SSBP2: variants seen among roughly 807,000 people sequenced by gnomAD.
SSBP2 encodes the protein single-stranded DNA-binding protein 2.
Under a neutral mutation model 61.8 loss-of-function variants are expected in SSBP2, and 17 were observed. That is an observed-to-expected ratio of 0.28 (90% CI 0.19 to 0.41). The LOEUF (loss-of-function observed/expected upper bound fraction) is 0.41, where lower values mean the gene tolerates loss of function less well. Ranked by LOEUF, SSBP2 falls within the 10% of genes least tolerant of loss-of-function variation. The probability of loss-of-function intolerance (pLI) is 1.00; values close to 1 mark genes in which losing one functional copy is unlikely to be tolerated. For missense variants in SSBP2, 310 were observed against 458.7 expected, an observed-to-expected ratio of 0.68 and a Z score of 2.96; for synonymous variants, 139 against 141.3, an observed-to-expected ratio of 0.98 and a Z score of 0.12.
intron 1 of SSBP2, among the ~76,000 whole-genome samples, chr5:81,750,489 G>T (rs970463798): frequency 2.1e-4 from 30 of 141,312 alleles, no homozygotes; most frequent in African/African-American, 7.7e-4. Flanking sequence ...CCAGCGCCCA[G>T]GCCCCCGCCG....
At chr5:81,649,623 G>A (rs544226293) in intron 2 of SSBP2, among the ~76,000 whole-genome samples, 24 of 152,122 alleles carry the variant, frequency 1.6e-4, no homozygotes, top group African/African-American at 4.8e-4. Flanking sequence ...GACTACTAGA[G>A]GTGAGAGGGA....
chr5:81,626,710 C>T (rs1747190526), intron 3 of SSBP2, among the ~76,000 whole-genome samples: 1 of 152,120 alleles, frequency 6.6e-6, no homozygotes. Flanking sequence ...ATGCAGCTGC[C>T]AGGGATCCGT....
chr5:81,743,178 TC>T (rs1387254599), intron 1 of SSBP2, among the ~76,000 whole-genome samples: 2 of 152,186 alleles, frequency 1.3e-5, no homozygotes, highest in African/African-American at 4.8e-5. Flanking sequence ...ACCCAATTCC[TC>T]CATTTTAAAA....
At chr5:81,439,976 A>G (rs182910973) in intron 14 of SSBP2, among the ~76,000 whole-genome samples, 39 of 152,138 alleles carry the variant, frequency 2.6e-4, no homozygotes, top group Non-Finnish European at 1.9e-4. Context: ...TGGCCTATAA[A>G]GTATGTTTTC....
chr5:81,447,566 T>C (rs181988430), intron 11 of SSBP2, among the ~76,000 whole-genome samples: 1 of 152,136 alleles, frequency 6.6e-6, no homozygotes, highest in Admixed American at 6.6e-5. Flanking sequence ...AGGCAATGGG[T>C]TGTAGGCTTT....
intron 1 of SSBP2, among the ~76,000 whole-genome samples, chr5:81,741,477 T>C (rs1297660421): frequency 1.3e-5 from 2 of 152,156 alleles, no homozygotes; most frequent in Admixed American, 1.3e-4. Context: ...GTGGTTAAAA[T>C]GGTAAATTTT....
chr5:81,493,304 T>TC (rs1262772769), intron 5 of SSBP2, among the ~76,000 whole-genome samples: 6 of 131,684 alleles, frequency 4.6e-5, no homozygotes, highest in Non-Finnish European at 1.0e-4. Context: ...ATAGATAGAT[T>TC]AACAGGGTCT....
intron 4 of SSBP2, among the ~76,000 whole-genome samples, chr5:81,540,188 T>C (rs1771150216): frequency 1.3e-5 from 2 of 152,334 alleles, no homozygotes; most frequent in Non-Finnish European, 2.9e-5. Flanking sequence ...TTGTGAATGG[T>C]GCCGCAATAA....
chr5:81,592,256 T>C (rs1366324540), intron 4 of SSBP2, among the ~76,000 whole-genome samples: 2 of 152,138 alleles, frequency 1.3e-5, no homozygotes, highest in Non-Finnish European at 1.5e-5. Flanking sequence ...CAGTCCAAGA[T>C]CAAACTGCAA....
chr5:81,644,969 A>G (rs1470658956), intron 2 of SSBP2, among the ~76,000 whole-genome samples: 2 of 152,172 alleles, frequency 1.3e-5, no homozygotes, highest in Non-Finnish European at 2.9e-5. Flanking sequence ...TTATGCCTCT[A>G]TTTTTGTTTA....
intron 1 of SSBP2, among the ~76,000 whole-genome samples, chr5:81,650,857 T>A (rs1749666313): frequency 6.6e-6 from 1 of 152,154 alleles, no homozygotes; most frequent in South Asian, 2.1e-4. Flanking sequence ...ATTTGATTGT[T>A]AAGCCAATAA....
chr5:81,578,644 A>C (rs1774413280), intron 4 of SSBP2, among the ~76,000 whole-genome samples: 1 of 151,998 alleles, frequency 6.6e-6, no homozygotes, highest in Admixed American at 6.5e-5. Context: ...AAGAGTGAGA[A>C]AGATTAACAG....
intron 4 of SSBP2, among the ~76,000 whole-genome samples, chr5:81,561,105 T>C (rs534388373): frequency 3.0e-4 from 45 of 152,240 alleles, no homozygotes; most frequent in African/African-American, 1.0e-3. Context: ...TTTACTTGAA[T>C]GAATGTCTAA....
chr5:81,629,394 T>C (rs761569140), intron 3 of SSBP2, among the ~76,000 whole-genome samples: 29 of 152,240 alleles, frequency 1.9e-4, no homozygotes, highest in Non-Finnish European at 4.0e-4. Context: ...AAATCCTTAA[T>C]GTAAGCAGGA....
intron 4 of SSBP2, among the ~76,000 whole-genome samples, chr5:81,588,971 GA>G (rs937008549): frequency 6.6e-6 from 1 of 152,098 alleles, no homozygotes; most frequent in African/African-American, 2.4e-5. Context: ...GGCTGAGGTG[GA>G]AAAAACTCCT....
chr5:81,493,080 CCACAA>C (rs1340316833), intron 5 of SSBP2, among the ~76,000 whole-genome samples: 3 of 151,578 alleles, frequency 2.0e-5, no homozygotes, highest in Non-Finnish European at 4.4e-5. Flanking sequence ...ATTAAATATC[CCACAA>C]CACAACAGTC....
At chr5:81,698,771 G>A (rs145027925) in intron 1 of SSBP2, among the ~76,000 whole-genome samples, 210 of 152,264 alleles carry the variant, frequency 1.4e-3, no homozygotes, top group African/African-American at 4.7e-3. Context: ...TTGCACCACT[G>A]TACTCCAGCC....
intron 6 of SSBP2, among the ~76,000 whole-genome samples, chr5:81,488,262 G>A (rs1423529035): frequency 6.6e-6 from 1 of 151,170 alleles, no homozygotes; most frequent in Non-Finnish European, 1.5e-5. Flanking sequence ...GTATCGTATG[G>A]TAGTTCAATT....
At chr5:81,711,052 A>C (rs193254341) in intron 1 of SSBP2, among the ~76,000 whole-genome samples, 2 of 152,232 alleles carry the variant, frequency 1.3e-5, no homozygotes, top group Admixed American at 1.3e-4. Flanking sequence ...TCATTTAATA[A>C]CAATAAAAAT....
Sources: allele counts gnomAD v4.1 joint callset (sites outside exome capture counted in the v4.1 genomes callset), GRCh38; gene constraint gnomAD v4.1.1; transcripts MANE v1.5; gene names NCBI Gene and HGNC (gene_info 2026-07-23, HGNC 2026-07-21).